TUBGCP6: variants seen among roughly 807,000 people sequenced by gnomAD.
TUBGCP6 encodes the protein tubulin gamma complex component 6.
A neutral mutation model predicts 175.8 loss-of-function variants in TUBGCP6; 161 were observed. The observed-to-expected ratio is 0.92, with a 90% CI of 0.81 to 1.04. The LOEUF (loss-of-function observed/expected upper bound fraction) is 1.04, where lower values mean the gene tolerates loss of function less well. TUBGCP6 is among the 50% of genes least tolerant of loss of function. The pLI, the probability that TUBGCP6 is intolerant of heterozygous loss-of-function variation, is 0.00. For synonymous variants in TUBGCP6, 1,173 were observed against 1,030.5 expected (o/e 1.14, Z -2.65); for missense variants, 2,572 against 2,433.0 (o/e 1.06, Z -1.20).
Position 50,227,017 on chromosome 22 carries a change from G to C in TUBGCP6, c.1473C>G (p.Pro491=), listed in dbSNP as rs200692068. 1.2e-6 allele frequency: 2 copies of C among 1,612,146 alleles called. No homozygotes were observed. Residue 491 remains proline, a synonymous_variant, in exon 6 of 25, where the codon CCC becomes CCG. Coordinates refer to ENST00000248846, the MANE Select transcript of TUBGCP6 (RefSeq NM_020461.4). ...AACTCACGGTGGGAAACGCGGCCCTGGGGCCTCCTCCACAGGTGCCCGGGA... is the reference window on the plus strand; with the variant it reads ...AACTCACGGTGGGAAACGCGGCCCTCGGGCCTCCTCCACAGGTGCCCGGGA... The part of the protein sequence containing the change: ...AVLPGTCGGG[P]RAAFPTGVKL...
chr22:50,242,671 T>C (rs1366837228), intron 1 of TUBGCP6, among the ~76,000 whole-genome samples: 2 of 152,240 alleles, frequency 1.3e-5, no homozygotes, highest in African/African-American at 4.8e-5. Flanking sequence ...CGTACCATGG[T>C]AAAGCCTCAG....
Position 50,218,000 on chromosome 22 carries a change from CGGGCCCCCAGG to C in TUBGCP6, c.5275_5285del (p.Pro1759AlafsTer68), listed in dbSNP as rs757636489. ...CAAAGTTGGGGTGCTCTGCACCCCGCGGGCCCCCAGGGGGCCCCCAGGCCTGGGAGATGAGC... is the reference window on the plus strand; with the variant it reads ...CAAAGTTGGGGTGCTCTGCACCCCGCGGGCCCCCAGGCCTGGGAGATGAGC... On this transcript the variant is annotated frameshift_variant, in exon 24 of 25. Transcript: ENST00000248846. LOFTEE classifies it high-confidence loss of function. 144 of 1,611,986 alleles carry C rather than the reference CGGGCCCCCAGG, an allele frequency of 8.9e-5. No individual in the cohort carries two copies. Among genetic ancestry groups the C allele is most frequent in the Non-Finnish European group, 1.1e-4 (126 of 1,179,382 alleles).
At chr22:50,234,244 C>T (rs116444970) in intron 2 of TUBGCP6, among the ~76,000 whole-genome samples, 79 of 148,450 alleles carry the variant, frequency 5.3e-4, no homozygotes, top group African/African-American at 1.9e-3. Flanking sequence ...CATCCACACC[C>T]TCTGTCCACG....
Position 50,219,832 on chromosome 22 carries a change from G to A in TUBGCP6, c.4168-41C>T, listed in dbSNP as rs56036519. 15,216 of 1,606,842 alleles carry A rather than the reference G, an allele frequency of 9.5e-3. 107 individuals carry two copies. Among genetic ancestry groups the A allele is most frequent in the Non-Finnish European group, 0.01 (12,118 of 1,174,364 alleles). ...CCTCAGAACCACCTCCCCACTGCAC[G>A]CTGTCCCCACAACCAGCTTGTGCCA... On this transcript the variant is annotated intron_variant, in intron 17 of 24. Transcript: ENST00000248846.
At chr22:50,226,897 A>G (rs897664607) in intron 6 of TUBGCP6, 55 bp from the exon 7 acceptor site, 1 of 1,553,226 alleles carries the variant, frequency 6.4e-7, no homozygotes, top group African/African-American at 1.4e-5. Flanking sequence ...GCTGGGAGTG[A>G]GGCGCAGCCC....
At chr22:50,223,471 G>C (rs142870381) in intron 13 of TUBGCP6, 6 of 153,296 alleles carry the variant, frequency 3.9e-5, no homozygotes, top group Non-Finnish European at 8.7e-5. Context: ...AGACGCAGAT[G>C]CTGTGCTGGA....
At chr22:50,225,355 C>T (rs866679519) in intron 10 of TUBGCP6, among the ~76,000 whole-genome samples, 28 of 152,182 alleles carry the variant, frequency 1.8e-4, no homozygotes, top group South Asian at 4.2e-4. Context: ...GAGGCGTGGC[C>T]CGTCCCTGAC....
At chr22:50,226,487 G>GGGGC (rs954705879) in intron 7 of TUBGCP6, 109 bp from the exon 8 acceptor site, 38 of 1,055,694 alleles carry the variant, frequency 3.6e-5, no homozygotes, top group Non-Finnish European at 5.0e-5. Context: ...GGGGCAAGTG[G>GGGGC]GGGCGTAGCT....
rs2064821020 is a variant in TUBGCP6, at chr22:50,240,059, G to A, written c.905+145C>T. The A allele has an allele frequency of 3.5e-6, 4 of 1,139,580 alleles. No homozygotes were observed. The African/African-American group carries it at 6.1e-5, about 17-fold the overall frequency. 70.6% of individuals were successfully genotyped at this position (1,139,580 alleles called of 1,614,324 possible). On this transcript the variant is annotated intron_variant, in intron 2 of 24. Coordinates refer to ENST00000248846, the MANE Select transcript of TUBGCP6 (RefSeq NM_020461.4). ...CATCTCTCTTAACTCCCAGGACTCA[G>A]TCAATTTTGGACACTAGCTTAGGTT...
chr22:50,217,777 G>C lies in TUBGCP6; in HGVS notation c.5419C>G (p.Leu1807Val), dbSNP rs1407634944. 1.9e-6 allele frequency: 3 copies of C among 1,613,940 alleles called. No individual in the cohort carries two copies. The highest frequency in any genetic ancestry group is 2.2e-5 in the East Asian group (1 of 44,888). Residue 1807 changes from leucine (L) to valine (V), a missense_variant, in exon 25 of 25, where the codon CTG becomes GTG. Coordinates refer to ENST00000248846, the MANE Select transcript of TUBGCP6 (RefSeq NM_020461.4). ...TAGTTGTTGAAGTTGATGCGCAGCA[G>C]AAAGTCCTCCAGGTGGGGCTGGTAG... is the stretch of plus-strand genomic sequence containing the variant. ...RGYQPHLEDF[L>V]LRINFNNYYQ...
intron 2 of TUBGCP6, among the ~76,000 whole-genome samples, chr22:50,235,814 T>C (rs1287203889): frequency 2.0e-5 from 3 of 151,790 alleles, no homozygotes; most frequent in African/African-American, 7.3e-5. Context: ...GTGGCGGGCA[T>C]CTGTAATCCC....
chr22:50,239,096 G>A (rs376602355), intron 2 of TUBGCP6, among the ~76,000 whole-genome samples: 10 of 152,302 alleles, frequency 6.6e-5, no homozygotes, highest in Admixed American at 2.6e-4. Context: ...TCCCCAAACC[G>A]ATACCCACAG....
At position 50,219,149 on chromosome 22, in the gene TUBGCP6, C is replaced by T. The variant is rs556127470; in HGVS notation, c.4545G>A (p.Ala1515=). ...GGAAGTGCCGCAGTGCCTCATAGTGCGCCTCCAGGTGCAGCTCCACGAAGA... is the reference window on the plus strand; with the variant it reads ...GGAAGTGCCGCAGTGCCTCATAGTGTGCCTCCAGGTGCAGCTCCACGAAGA... The part of the protein sequence containing the change: ...DYFFVELHLE[A]HYEALRHFLL... The change falls in exon 20 of 25, where the codon GCG becomes GCA. Residue 1515 remains alanine, a synonymous_variant. Coordinates refer to ENST00000248846, the MANE Select transcript of TUBGCP6 (RefSeq NM_020461.4). 2.1e-5 allele frequency: 34 copies of T among 1,612,768 alleles called. No individual in the cohort carries two copies. Among genetic ancestry groups the T allele is most frequent in the East Asian group, 4.5e-5 (2 of 44,894 alleles).
intron 19 of TUBGCP6, 31 bp downstream of exon 19, chr22:50,219,251 TGGGTGG>T: frequency 6.2e-7 from 1 of 1,610,074 alleles, no homozygotes; most frequent in South Asian, 1.1e-5. Context: ...CAGGACGGGC[TGGGTGG>T]GCAGACTGGC....
chr22:50,229,671 C>T, intron 3 of TUBGCP6, 94 bp from the exon 4 acceptor site: 1 of 1,352,954 alleles, frequency 7.4e-7, no homozygotes, highest in Non-Finnish European at 1.0e-6. Flanking sequence ...CAACCCCACG[C>T]CACCTAGAGT....
intron 1 of TUBGCP6, among the ~76,000 whole-genome samples, chr22:50,241,518 T>C (rs1263732383): frequency 1.3e-5 from 2 of 152,252 alleles, no homozygotes; most frequent in Non-Finnish European, 2.9e-5. Context: ...AACGTCTCCC[T>C]GTGATGCTGT....
At position 50,234,480 on chromosome 22, in the gene TUBGCP6, G is replaced by A. The variant is rs113760820; in HGVS notation, c.906-954C>T. Among the ~76,000 whole-genome samples, 883 of 102,732 alleles carry A rather than the reference G, an allele frequency of 8.6e-3. 18 individuals carry two copies. Among genetic ancestry groups the A allele is most frequent in the African/African-American group, 0.033 (842 of 25,366 alleles). 67.4% of individuals were successfully genotyped at this position (102,732 alleles called of 152,430 possible). On this transcript the variant is annotated intron_variant, in intron 2 of 24. Coordinates refer to ENST00000248846, the MANE Select transcript of TUBGCP6 (RefSeq NM_020461.4). ...CCACAGCAGCATCGCCCACACCCCC[G>A]TCCACAGCAGCAGCATCCACACCCC...
rs2064497387 is a variant in TUBGCP6, at chr22:50,220,392, C to T, written c.3967G>A (p.Val1323Ile). The change falls in exon 16 of 25, where the codon GTA becomes ATA. Residue 1323 changes from valine to isoleucine, a missense_variant. By Grantham distance (29) the Val-to-Ile change is conservative (BLOSUM62 3). Coordinates refer to ENST00000248846, the MANE Select transcript of TUBGCP6 (RefSeq NM_020461.4). The part of the protein sequence containing the change: ...TVLDCGPRLP[V>I]EVGPSLSSPS... Reference sequence around the variant, plus strand: ...GAGGACAGAGATGGCCCCACTTCTACAGGCAGCCGTGGCCCACAGTCCAGC... The same window carrying T: ...GAGGACAGAGATGGCCCCACTTCTATAGGCAGCCGTGGCCCACAGTCCAGC... 3 of 1,573,240 alleles carry T rather than the reference C, an allele frequency of 1.9e-6. No homozygotes were observed. The highest frequency in any genetic ancestry group is 2.6e-6 in the Non-Finnish European group (3 of 1,155,516).
At chr22:50,226,891 G>A (rs2064620021) in intron 6 of TUBGCP6, 49 bp from the exon 7 acceptor site, 9 of 1,550,818 alleles carry the variant, frequency 5.8e-6, no homozygotes, top group Non-Finnish European at 7.9e-6. Flanking sequence ...CCCAGCGCTG[G>A]GAGTGAGGCG....
Sources: gnomAD v4.1 joint callset for allele counts (sites outside exome capture counted in the v4.1 genomes callset) on GRCh38, gnomAD v4.1.1 for gene constraint, MANE v1.5 for transcripts, NCBI Gene and HGNC (gene_info 2026-07-23, HGNC 2026-07-21) for gene names.